The following USP20 variants were observed in gnomAD, a reference collection of about 807,000 sequenced individuals.
The protein encoded by USP20 is ubiquitin specific peptidase 20.
A neutral mutation model predicts 124.2 loss-of-function variants in USP20; 80 were observed. The ratio of observed to expected loss-of-function variants is 0.64; its 90% CI spans 0.54 to 0.78. The LOEUF (loss-of-function observed/expected upper bound fraction) is 0.78, where lower values mean the gene tolerates loss of function less well. Among genes scored for constraint, USP20 ranks in the 30% least tolerant of loss-of-function variants. The pLI is 0.00. For missense variants in USP20, 1,043 were observed against 1,244.4 expected, an observed-to-expected ratio of 0.84 and a Z score of 2.44; for synonymous variants, 481 against 512.3, an observed-to-expected ratio of 0.94 and a Z score of 0.83.
rs1588261072 is a variant in USP20, at chr9:129,858,097, C to T, written c.183C>T (p.Ser61=). The T allele has an allele frequency of 5.0e-6, 8 of 1,613,930 alleles. No homozygotes were observed. Among genetic ancestry groups the T allele is most frequent in the East Asian group, 4.5e-5 (2 of 44,880 alleles). Residue 61 remains serine (S), a synonymous_variant, in exon 5 of 26, where the codon AGC becomes AGT. Transcript: ENST00000372429. ...GCGGAGAATCCTTTGCTGACCACAG[C>T]ACCATTCATGCACAGGTGAGTGTGG... The part of the protein sequence containing the change: ...VGCGESFADH[S]TIHAQAKKHN...
intron 1 of USP20, among the ~76,000 whole-genome samples, chr9:129,845,694 ATTAG>A (rs2032498581): frequency 1.3e-5 from 2 of 152,026 alleles, no homozygotes; most frequent in Admixed American, 1.3e-4. Context: ...GACTGACCTT[ATTAG>A]ATTATTAGAT....
At chr9:129,870,417 C>G (rs1476567295) in intron 14 of USP20, 36 bp from the exon 15 acceptor site, 1 of 1,606,234 alleles carries the variant, frequency 6.2e-7, no homozygotes, top group Non-Finnish European at 8.5e-7. Context: ...TTGCCCAGGC[C>G]CTGGCAGCAC....
intron 19 of USP20, 24 bp from the exon 20 acceptor site, chr9:129,875,286 T>G: frequency 1.9e-6 from 3 of 1,582,312 alleles, no homozygotes; most frequent in Non-Finnish European, 2.6e-6. Flanking sequence ...AGGCACAGCT[T>G]CTCGCCCCCT....
intron 9 of USP20, among the ~76,000 whole-genome samples, chr9:129,864,257 C>T (rs1211645370): frequency 2.0e-5 from 3 of 148,822 alleles, no homozygotes; most frequent in Admixed American, 2.0e-4. Context: ...TCATTTGAGC[C>T]TAGGAGTTTG....
intron 1 of USP20, among the ~76,000 whole-genome samples, chr9:129,842,440 G>A (rs900768467): frequency 1.3e-5 from 2 of 152,116 alleles, no homozygotes; most frequent in Non-Finnish European, 2.9e-5. Flanking sequence ...ATGCCTGGCT[G>A]TTTCCCAGCA....
intron 3 of USP20, among the ~76,000 whole-genome samples, chr9:129,855,615 A>T (rs1261457157): frequency 1.3e-5 from 2 of 152,256 alleles, no homozygotes; most frequent in African/African-American, 4.8e-5. Flanking sequence ...CAAGGGTAGC[A>T]CACAGCACAG....
chr9:129,858,443 C>A, intron 5 of USP20, 24 bp from the exon 6 acceptor site: 1 of 1,613,986 alleles, frequency 6.2e-7, no homozygotes, highest in South Asian at 1.1e-5. Flanking sequence ...TGCCCTGGAC[C>A]TTGTTTTGGA....
chr9:129,876,092 C>T (rs746525755), intron 21 of USP20, 38 bp from the exon 22 acceptor site: 21 of 1,560,578 alleles, frequency 1.3e-5, no homozygotes, highest in Admixed American at 1.8e-5. Context: ...CCTGGTACCC[C>T]GCTCAGGCCG....
At chr9:129,858,882 G>A (rs553726990) in intron 6 of USP20, among the ~76,000 whole-genome samples, 2 of 152,282 alleles carry the variant, frequency 1.3e-5, no homozygotes, top group Admixed American at 1.3e-4. Context: ...GAGTGCAGGG[G>A]TTGGGGTGGG....
rs892870882 is a variant in USP20, at chr9:129,878,523, A to G, written c.2512+83A>G. ...TGCTGGCAGGGGAGGGCTGGCACAC[A>G]GGGGCTCCTGCAGGCCCCATGCCTG... On this transcript the variant is annotated intron_variant, in intron 23 of 25. Coordinates refer to ENST00000372429, the MANE Select transcript of USP20 (RefSeq NM_001110303.4). 9.3e-6 allele frequency: 12 copies of G among 1,283,448 alleles called. No individual in the cohort carries two copies. The Admixed American group carries it at 9.6e-5, about 10-fold the overall frequency. The allele number at this position is 1,283,448 out of a possible 1,614,324, so 79.5% of individuals were successfully genotyped here. A position where few individuals can be genotyped will look rare whatever the true frequency, so the allele number is the denominator to read the frequency against.
At chr9:129,852,714 A>G (rs2032993900) in intron 3 of USP20, 78 bp downstream of exon 3, 22 of 1,439,108 alleles carry the variant, frequency 1.5e-5, no homozygotes, top group Middle Eastern at 3.5e-4. Context: ...TTTCTGAAGC[A>G]GTGGAAAAAC....
Position 129,881,799 on chromosome 9 carries a change from A to C in USP20, c.*1349A>C, listed in dbSNP as rs1163524521. ...GTCTGTGCTGTCTAGTTTGTGTTCA[A>C]AATGTCAGAATAAACACAGAATAAA... On this transcript the variant is annotated 3_prime_UTR_variant, in exon 26 of 26. Transcript: ENST00000372429. The C allele has an allele frequency of 6.6e-6, 1 of 152,268 alleles. No individual in the cohort carries two copies. Among genetic ancestry groups the C allele is most frequent in the Non-Finnish European group, 1.5e-5 (1 of 68,050 alleles). The allele number at this position is 152,268 out of a possible 1,614,324, so 9.4% of individuals were successfully genotyped here. A position where few individuals can be genotyped will look rare whatever the true frequency, so the allele number is the denominator to read the frequency against.
intron 3 of USP20, among the ~76,000 whole-genome samples, chr9:129,855,656 C>G (rs374564462): frequency 1.3e-5 from 2 of 152,146 alleles, no homozygotes; most frequent in African/African-American, 4.8e-5. Context: ...GCTAGTTTGA[C>G]TAGAACTGAG....
Position 129,880,588 on chromosome 9 carries a change from G to A in USP20, c.*138G>A. 8.6e-6 allele frequency: 3 copies of A among 350,582 alleles called. No individual in the cohort carries two copies. Among genetic ancestry groups the A allele is most frequent in the South Asian group, 7.8e-5 (2 of 25,584 alleles). 21.7% of individuals were successfully genotyped at this position (350,582 alleles called of 1,614,324 possible). A position where few individuals can be genotyped will look rare whatever the true frequency, so the allele number is the denominator to read the frequency against. On this transcript the variant is annotated 3_prime_UTR_variant, in exon 26 of 26. Transcript: ENST00000372429. ...TTGGTTTGCAGTAACGCTGCAACTA[G>A]AAAATATATGCACTTCAGGCTTGTT...
chr9:129,878,389 A>G lies in USP20; in HGVS notation c.2461A>G (p.Ser821Gly). 1 of 1,610,636 alleles carries G rather than the reference A, an allele frequency of 6.2e-7. No individual in the cohort carries two copies. The highest frequency in any genetic ancestry group is 8.5e-7 in the Non-Finnish European group (1 of 1,178,520). ...GTCGCCGGGCGTCATCTACTGCATC[A>G]GCATGCAGTGGTTCCGGGAGTGGGA... Reference protein sequence around the residue: ...EESPGVIYCISMQWFREWEAF... With the variant: ...EESPGVIYCIGMQWFREWEAF... The change falls in exon 23 of 26, where the codon AGC (serine) becomes GGC (glycine). Residue 821 changes from serine to glycine, a missense_variant. By Grantham distance (56) the Ser-to-Gly change is moderately conservative. Coordinates refer to ENST00000372429, the MANE Select transcript of USP20 (RefSeq NM_001110303.4).
At chr9:129,868,586 C>CT (rs1564214393) in intron 11 of USP20, 137 bp downstream of exon 11, 33 of 1,437,420 alleles carry the variant, frequency 2.3e-5, no homozygotes, top group South Asian at 4.4e-5. Context: ...AAGTCAGCCT[C>CT]CGGGGGGGCT....
Position 129,852,584 on chromosome 9 carries a change from A to C in USP20, c.29A>C (p.His10Pro). 6.2e-7 allele frequency: 1 copy of C among 1,600,126 alleles called. No homozygotes were observed. The highest frequency in any genetic ancestry group is 8.5e-7 in the Non-Finnish European group (1 of 1,172,774). ...GGGGACTCCAGGGACCTTTGCCCTC[A>C]CCTTGACTCCATAGGAGAGGTGACC... MGDSRDLCP[H>P]LDSIGEVTKE... is the part of the protein sequence containing the mutation. The change falls in exon 3 of 26, where the codon CAC (histidine) becomes CCC (proline). Residue 10 changes from histidine to proline, a missense_variant. His to Pro is a moderately conservative substitution (Grantham distance 77). Transcript: ENST00000372429.
chr9:129,844,164 T>C (rs985332430), intron 1 of USP20, among the ~76,000 whole-genome samples: 1 of 152,136 alleles, frequency 6.6e-6, no homozygotes, highest in Non-Finnish European at 1.5e-5. Flanking sequence ...CCACGTCCTA[T>C]GATGGATAAA....
At chr9:129,869,107 C>A in intron 12 of USP20, 105 bp downstream of exon 12, 1 of 1,463,728 alleles carries the variant, frequency 6.8e-7, no homozygotes, top group Non-Finnish European at 9.1e-7. Flanking sequence ...GGGCTATGGG[C>A]TCCTCTCAGG....
Sources: allele counts gnomAD v4.1 joint callset (sites outside exome capture counted in the v4.1 genomes callset), GRCh38; gene constraint gnomAD v4.1.1; transcripts MANE v1.5; gene names NCBI Gene and HGNC (gene_info 2026-07-23, HGNC 2026-07-21).